The following CTSA variants were observed in gnomAD, a reference collection of about 807,000 sequenced individuals.
CTSA encodes the protein lysosomal protective protein.
Under a neutral mutation model 66.7 loss-of-function variants are expected in CTSA, and 42 were observed. That is an observed-to-expected ratio of 0.63 (90% CI 0.49 to 0.81). The LOEUF is 0.81. Ranked by LOEUF, CTSA falls within the 40% of genes least tolerant of loss-of-function variation. The probability of loss-of-function intolerance (pLI) is 0.00; values close to 1 mark genes in which losing one functional copy is unlikely to be tolerated. For synonymous variants in CTSA, 225 were observed against 248.6 expected (o/e 0.91, Z 0.89); for missense variants, 525 against 610.9 (o/e 0.86, Z 1.48).
At position 45,898,416 on chromosome 20, in the gene CTSA, T is replaced by A. The variant is rs771327084; in HGVS notation, c.1409T>A (p.Met470Lys). ...PTDKPLAAFT[M>K]FSRFLNKQPY ...GACAAGCCCCTCGCTGCCTTCACCA[T>A]GTTCTCCCGCTTCCTGAACAAGCAG... Residue 470 changes from methionine (M) to lysine (K), a missense_variant, in exon 15 of 15, where the codon ATG (methionine) becomes AAG (lysine). Coordinates refer to ENST00000646241, the MANE Select transcript of CTSA (RefSeq NM_000308.4). This position sits in a 1 kb window ranked among gnomAD's most constrained non-coding sequence, Gnocchi z 4.6. 6.2e-7 allele frequency: 1 copy of A among 1,613,880 alleles called. No homozygotes were observed. The highest frequency in any genetic ancestry group is 1.3e-5 in the African/African-American group (1 of 74,962).
intron 11 of CTSA, 62 bp downstream of exon 11, chr20:45,895,195 C>T (rs1987186750): frequency 8.8e-6 from 14 of 1,595,680 alleles, no homozygotes; most frequent in Middle Eastern, 1.7e-4. Context: ...TGGGCATCGG[C>T]AGGTTTCTCA....
chr20:45,894,332 G>A, intron 8 of CTSA: 2 of 618,738 alleles, frequency 3.2e-6, no homozygotes, highest in South Asian at 3.8e-5. Flanking sequence ...GCACTGTGCT[G>A]AACTGTGTCT....
At chr20:45,895,271 C>A (rs2145820017) in intron 11 of CTSA, 138 bp downstream of exon 11, 1 of 976,656 alleles carries the variant, frequency 1.0e-6, no homozygotes. Flanking sequence ...CCATCCCTGA[C>A]CCCTCAGTGG....
Position 45,895,104 on chromosome 20 carries a change from G to A in CTSA, c.1059G>A (p.Pro353=), listed in dbSNP as rs74694805. The part of the protein sequence containing the change: ...NPYVRKALNI[P]EQLPQWDMCN... ...ACGTGCGGAAGGCCCTCAACATCCC[G>A]GAGCAGCTGCCACAATGGGACATGT... The change falls in exon 11 of 15, where the codon CCG becomes CCA. Residue 353 remains proline, a synonymous_variant. Coordinates refer to ENST00000646241, the MANE Select transcript of CTSA (RefSeq NM_000308.4). 587 of 1,614,128 alleles carry A rather than the reference G, an allele frequency of 3.6e-4. 2 individuals carry two copies. The highest frequency in any genetic ancestry group is 4.7e-4 in the Non-Finnish European group (553 of 1,180,038).
chr20:45,894,953 C>G (rs375716663), intron 10 of CTSA, 41 bp from the exon 11 acceptor site: 142 of 1,613,986 alleles, frequency 8.8e-5, no homozygotes, highest in Non-Finnish European at 1.2e-4. Flanking sequence ...GGGGGAGGGG[C>G]AGGGAAGCAG....
chr20:45,893,853 C>A, intron 7 of CTSA, 135 bp from the exon 8 acceptor site: 1 of 738,950 alleles, frequency 1.4e-6, no homozygotes, highest in Non-Finnish European at 2.5e-6. Flanking sequence ...AGATGACATA[C>A]AGACCACACC....
chr20:45,894,951 G>A lies in CTSA; in HGVS notation c.949-43G>A, dbSNP rs774935969. 23 of 1,614,020 alleles carry A rather than the reference G, an allele frequency of 1.4e-5. No homozygotes were observed. In the South Asian group the frequency reaches 1.4e-4, roughly 10 times the overall value. The stretch of plus-strand genomic sequence containing the variant: ...CTGGTGAGGTGGGGGCAGGGGGAGG[G>A]GCAGGGAAGCAGAGGCCCTGACCCA... On this transcript the variant is annotated intron_variant, in intron 10 of 14. Transcript: ENST00000646241.
chr20:45,898,248 G>T lies in CTSA; in HGVS notation c.1360-119G>T. 2 of 1,299,862 alleles carry T rather than the reference G, an allele frequency of 1.5e-6. No homozygotes were observed. The highest frequency in any genetic ancestry group is 1.2e-5 in the South Asian group (1 of 80,324). The allele number at this position is 1,299,862 out of a possible 1,614,324, so 80.5% of individuals were successfully genotyped here. ...TGTATGGGCAAGTTTTTTTGGAGAG[G>T]GGTGGGGAGGGTTCTGGGAAGAATA... On this transcript the variant is annotated intron_variant, in intron 14 of 14. Coordinates refer to ENST00000646241, the MANE Select transcript of CTSA (RefSeq NM_000308.4). This position sits in a 1 kb window ranked among gnomAD's most constrained non-coding sequence, Gnocchi z 4.6.
rs769932744 is a variant in CTSA at position 45,898,316 on chromosome 20, A to G, written c.1360-51A>G. 1.3e-6 allele frequency: 2 copies of G among 1,504,142 alleles called. No homozygotes were observed. Among genetic ancestry groups the G allele is most frequent in the Non-Finnish European group, 9.2e-7 (1 of 1,085,774 alleles). The allele number at this position is 1,504,142 out of a possible 1,614,324, so 93.2% of individuals were successfully genotyped here. A position where few individuals can be genotyped will look rare whatever the true frequency, so the allele number is the denominator to read the frequency against. On this transcript the variant is annotated intron_variant, in intron 14 of 14. Coordinates refer to ENST00000646241, the MANE Select transcript of CTSA (RefSeq NM_000308.4). This position sits in a 1 kb window ranked among gnomAD's most constrained non-coding sequence, Gnocchi z 4.6. ...GAATTGCCCCCGAGTGAGCAGTTATATGGGGAGGAGGGAATGGTGGGGTCA... is the reference window on the plus strand; with the variant it reads ...GAATTGCCCCCGAGTGAGCAGTTATGTGGGGAGGAGGGAATGGTGGGGTCA...
intron 11 of CTSA, chr20:45,895,379 G>A: frequency 4.0e-6 from 2 of 501,664 alleles, no homozygotes; most frequent in Middle Eastern, 1.2e-3. Flanking sequence ...GGAGTGCAGT[G>A]GTGTGATCAT....
rs530287837 is a variant in CTSA at position 45,891,621 on chromosome 20, TG to T, written c.54del (p.Leu19Ter). 1.7e-4 allele frequency: 270 copies of T among 1,580,642 alleles called. 1 individual carries two copies. In the African/African-American group the frequency reaches 3.2e-3, roughly 18 times the overall value. On this transcript the variant is annotated frameshift_variant, in exon 2 of 15. Transcript: ENST00000646241. LOFTEE classifies it high-confidence loss of function. The surrounding 1 kb of genome is among the most constrained non-coding windows in gnomAD (Gnocchi z 4.6). ...PLFLLLLLLL[L>X]LVSWASRGEA... The stretch of plus-strand genomic sequence containing the variant: ...TTCCTGCTGCTGCTGCTGCTGCTGC[TG>T]CTAGTGTCCTGGGCGTCCCGAGGCG...
Position 45,891,626 on chromosome 20 carries a change from G to A in CTSA, c.58G>A (p.Val20Met), listed in dbSNP as rs1986936853. 1.2e-6 allele frequency: 2 copies of A among 1,609,746 alleles called. No individual in the cohort carries two copies. The highest frequency in any genetic ancestry group is 1.7e-6 in the Non-Finnish European group (2 of 1,179,144). The change falls in exon 2 of 15, where the codon GTG becomes ATG. Residue 20 changes from valine to methionine, a missense_variant. Physicochemically the swap from Val to Met is conservative, Grantham distance 21. Around this residue, in one of 3 missense-constraint regions of CTSA, gnomAD observed 246 missense variants for 267.4 expected, o/e 0.92. Coordinates refer to ENST00000646241, the MANE Select transcript of CTSA (RefSeq NM_000308.4). This position sits in a 1 kb window ranked among gnomAD's most constrained non-coding sequence, Gnocchi z 4.6. Reference sequence around the variant, plus strand: ...GCTGCTGCTGCTGCTGCTGCTGCTAGTGTCCTGGGCGTCCCGAGGCGAGGC... The same window carrying A: ...GCTGCTGCTGCTGCTGCTGCTGCTAATGTCCTGGGCGTCCCGAGGCGAGGC... Reference protein sequence around the residue: ...FLLLLLLLLLVSWASRGEAAP... With the variant: ...FLLLLLLLLLMSWASRGEAAP...
chr20:45,893,431 C>T, intron 7 of CTSA, 120 bp downstream of exon 7: 2 of 768,656 alleles, frequency 2.6e-6, no homozygotes, highest in South Asian at 2.8e-5. Context: ...AGGTGGGTTG[C>T]AGAAAGAACC....
chr20:45,897,102 G>A (rs1241984781), intron 12 of CTSA, 62 bp downstream of exon 12: 3 of 1,313,128 alleles, frequency 2.3e-6, no homozygotes, highest in Non-Finnish European at 3.3e-6. Context: ...AGCACAGCAA[G>A]CTGGGGGCCC....
chr20:45,895,008 A>G lies in CTSA; in HGVS notation c.963A>G (p.Ser321=), dbSNP rs747878183. 4 of 1,614,160 alleles carry G rather than the reference A, an allele frequency of 2.5e-6. 1 individual carries two copies. In the South Asian group the frequency reaches 4.4e-5, roughly 18 times the overall value. ...KRMWHQALLR[S]GDKVRMDPPC... Reference sequence around the variant, plus strand: ...GTGCCTTCCAGGCACTGCTGCGCTCAGGGGATAAAGTGCGCATGGACCCCC... The same window carrying G: ...GTGCCTTCCAGGCACTGCTGCGCTCGGGGGATAAAGTGCGCATGGACCCCC... Residue 321 remains serine, a synonymous_variant, in exon 11 of 15, where the codon TCA becomes TCG. Coordinates refer to ENST00000646241, the MANE Select transcript of CTSA (RefSeq NM_000308.4).
chr20:45,892,365 G>A, intron 4 of CTSA, 33 bp from the exon 5 acceptor site: 1 of 1,613,936 alleles, frequency 6.2e-7, no homozygotes, highest in Non-Finnish European at 8.5e-7. Context: ...CTTGGATGGG[G>A]TGGCATTTAG....
Position 45,898,405 on chromosome 20 carries a change from T to A in CTSA, c.1398T>A (p.Ala466=). 1 of 1,613,900 alleles carries A rather than the reference T, an allele frequency of 6.2e-7. No individual in the cohort carries two copies. The highest frequency in any genetic ancestry group is 8.5e-7 in the Non-Finnish European group (1 of 1,179,934). Residue 466 remains alanine, a synonymous_variant, in exon 15 of 15, where the codon GCT becomes GCA. Coordinates refer to ENST00000646241, the MANE Select transcript of CTSA (RefSeq NM_000308.4). This position sits in a 1 kb window ranked among gnomAD's most constrained non-coding sequence, Gnocchi z 4.6. ...GHMVPTDKPL[A]AFTMFSRFLN... The stretch of plus-strand genomic sequence containing the variant: ...TGGTTCCCACCGACAAGCCCCTCGC[T>A]GCCTTCACCATGTTCTCCCGCTTCC...
intron 6 of CTSA, 83 bp downstream of exon 6, chr20:45,892,963 T>A: frequency 4.6e-6 from 7 of 1,513,560 alleles, no homozygotes; most frequent in Non-Finnish European, 6.3e-6. Context: ...CTGGTCAATG[T>A]CCCCATCCAA....
intron 12 of CTSA, 49 bp from the exon 13 acceptor site, chr20:45,897,668 G>T (rs766580633): frequency 9.0e-7 from 1 of 1,117,044 alleles, no homozygotes; most frequent in South Asian, 1.2e-5. Flanking sequence ...GGAAGGGCTG[G>T]GGACTGGGCT....
Sources: gnomAD v4.1 joint callset for allele counts on GRCh38, gnomAD v4.1.1 for gene constraint, gnomAD v4.1.1 regional missense constraint, Gnocchi (gnomAD v3.1) non-coding constraint, MANE v1.5 for transcripts, NCBI Gene and HGNC (gene_info 2026-07-23, HGNC 2026-07-21) for gene names.